VTA1: variants seen among roughly 807,000 people sequenced by gnomAD.
VTA1 encodes the protein vacuolar protein sorting-associated protein VTA1 homolog.
VTA1 carries 24 observed loss-of-function variants against 36.9 expected under a neutral mutation model. That is an observed-to-expected ratio of 0.65 (90% CI 0.47 to 0.91). The LOEUF is 0.91. Ranked by LOEUF, VTA1 falls within the 40% of genes least tolerant of loss-of-function variation. VTA1 has a pLI of 0.00. For synonymous variants in VTA1, 142 were observed against 130.2 expected (o/e 1.09, Z -0.62); for missense variants, 393 against 377.2 (o/e 1.04, Z -0.35).
chr6:142,180,029 T>A (rs1775197381), intron 4 of VTA1, among the ~76,000 whole-genome samples: 1 of 152,218 alleles, frequency 6.6e-6, no homozygotes, highest in African/African-American at 2.4e-5. Flanking sequence ...ACTAGATGAA[T>A]AGATCTATTT....
intron 4 of VTA1, among the ~76,000 whole-genome samples, chr6:142,184,419 C>T (rs555938690): frequency 3.3e-5 from 5 of 152,298 alleles, no homozygotes; most frequent in South Asian, 4.1e-4. Context: ...AGATAAGACA[C>T]GTGTCACATT....
intron 4 of VTA1, among the ~76,000 whole-genome samples, chr6:142,176,914 G>A (rs1279051637): frequency 2.0e-5 from 3 of 152,122 alleles, no homozygotes; most frequent in Non-Finnish European, 4.4e-5. Flanking sequence ...GAGGCAATAA[G>A]GCACATGAAT....
At chr6:142,165,667 T>A (rs923204858) in intron 1 of VTA1, among the ~76,000 whole-genome samples, 1 of 152,236 alleles carries the variant, frequency 6.6e-6, no homozygotes, top group Admixed American at 6.5e-5. Context: ...ACAGTTCTTA[T>A]CACTGGGAAA....
intron 1 of VTA1, among the ~76,000 whole-genome samples, chr6:142,156,937 G>A (rs1778673794): frequency 6.6e-6 from 1 of 152,218 alleles, no homozygotes; most frequent in East Asian, 1.9e-4. Flanking sequence ...GGAGGCCCAG[G>A]TGGGCAGATC....
At chr6:142,204,189 T>C in intron 7 of VTA1, 124 bp downstream of exon 7, 1 of 847,842 alleles carries the variant, frequency 1.2e-6, no homozygotes, top group Non-Finnish European at 1.9e-6. Flanking sequence ...TCTAGGTAAT[T>C]TGAAATAAAT....
At chr6:142,190,815 G>GTA (rs2114666423) in intron 5 of VTA1, among the ~76,000 whole-genome samples, 1 of 152,274 alleles carries the variant, frequency 6.6e-6, no homozygotes, top group Non-Finnish European at 1.5e-5. Flanking sequence ...CTCTGCTGTT[G>GTA]TAGTACAGAA....
intron 7 of VTA1, among the ~76,000 whole-genome samples, chr6:142,206,996 C>T (rs572866383): frequency 1.3e-5 from 2 of 152,248 alleles, no homozygotes; most frequent in South Asian, 4.1e-4. Context: ...ACTTCCAGTT[C>T]CAAAATGGCA....
In VTA1 at chr6:142,198,576, G is replaced by A. The variant is rs1475066920; in HGVS notation, c.658G>A (p.Ala220Thr). Residue 220 changes from alanine (A) to threonine (T), a missense_variant, in exon 6 of 8, where the codon GCT becomes ACT. By Grantham distance (58) the Ala-to-Thr change is moderately conservative. Coordinates refer to ENST00000367630, the MANE Select transcript of VTA1 (RefSeq NM_016485.5). Reference sequence around the variant, plus strand: ...AATACAGATTCCTCCGGGTGCACACGCTCCAGCTAATACACCAGCAGAAGT... The same window carrying A: ...AATACAGATTCCTCCGGGTGCACACACTCCAGCTAATACACCAGCAGAAGT... ...TGIQIPPGAH[A>T]PANTPAEVPH... 1.2e-6 allele frequency: 2 copies of A among 1,613,250 alleles called. No individual in the cohort carries two copies. The highest frequency in any genetic ancestry group is 1.7e-5 in the Admixed American group (1 of 59,978).
At chr6:142,216,791 G>C (rs178783) in intron 7 of VTA1, among the ~76,000 whole-genome samples, 65,351 of 151,954 alleles carry the variant, frequency 0.43, 15,052 homozygotes, top group Middle Eastern at 0.56. Context: ...AAAGCTAATG[G>C]TGTAAAAATA....
intron 7 of VTA1, among the ~76,000 whole-genome samples, chr6:142,212,823 C>T (rs1294474265): frequency 6.6e-6 from 1 of 152,038 alleles, no homozygotes; most frequent in Admixed American, 6.5e-5. Flanking sequence ...CTCGTGAGAC[C>T]TCACTATCAC....
intron 7 of VTA1, among the ~76,000 whole-genome samples, chr6:142,208,439 AT>A (rs1253492225): frequency 1.3e-5 from 2 of 152,198 alleles, no homozygotes; most frequent in African/African-American, 4.8e-5. Context: ...AGATATAGAA[AT>A]CTACCTCAGA....
intron 7 of VTA1, among the ~76,000 whole-genome samples, chr6:142,211,493 C>G (rs940431701): frequency 6.6e-6 from 1 of 152,012 alleles, no homozygotes; most frequent in South Asian, 2.1e-4. Flanking sequence ...AGACAGATCA[C>G]GAGGTCAGGA....
intron 7 of VTA1, among the ~76,000 whole-genome samples, chr6:142,211,426 G>C (rs1423229633): frequency 6.6e-6 from 1 of 152,148 alleles, no homozygotes; most frequent in African/African-American, 2.4e-5. Context: ...TGATAACGCA[G>C]ATTTCATTAA....
At chr6:142,208,014 G>A (rs1215439046) in intron 7 of VTA1, among the ~76,000 whole-genome samples, 1 of 149,142 alleles carries the variant, frequency 6.7e-6, no homozygotes, top group East Asian at 2.0e-4. Flanking sequence ...TTGAACCTGG[G>A]AGGCGGAGAG....
chr6:142,198,936 T>C (rs1775623825), intron 6 of VTA1, among the ~76,000 whole-genome samples: 1 of 152,168 alleles, frequency 6.6e-6, no homozygotes, highest in Admixed American at 6.5e-5. Context: ...CCCTCACTGT[T>C]GTTTTAGAAT....
intron 4 of VTA1, among the ~76,000 whole-genome samples, chr6:142,185,116 A>G (rs190330516): frequency 1.3e-5 from 2 of 152,190 alleles, no homozygotes; most frequent in Admixed American, 6.5e-5. Context: ...TGGCCAAACT[A>G]AAGTATCATT....
intron 1 of VTA1, among the ~76,000 whole-genome samples, chr6:142,164,184 G>A (rs1291987467): frequency 1.3e-5 from 2 of 152,142 alleles, no homozygotes; most frequent in African/African-American, 2.4e-5. Flanking sequence ...GTAAGATACA[G>A]TAAGCTTAAA....
intron 4 of VTA1, among the ~76,000 whole-genome samples, chr6:142,188,225 CTTTT>C (rs200348683): frequency 2.5e-5 from 2 of 78,928 alleles, no homozygotes; most frequent in East Asian, 6.3e-4. Context: ...TTCTTTATTT[CTTTT>C]TTTTTTTTTT....
intron 4 of VTA1, among the ~76,000 whole-genome samples, chr6:142,181,164 C>T (rs1490395490): frequency 4.6e-5 from 6 of 131,216 alleles, no homozygotes; most frequent in African/African-American, 1.4e-4. Flanking sequence ...TACGGAGTCT[C>T]GCTCTGTTGC....
Sources: allele counts gnomAD v4.1 joint callset (sites outside exome capture counted in the v4.1 genomes callset), GRCh38; gene constraint gnomAD v4.1.1; transcripts MANE v1.5; gene names NCBI Gene and HGNC (gene_info 2026-07-23, HGNC 2026-07-21).